Variants in CERS4 observed in about 807,000 individuals in gnomAD.
CERS4 encodes LAG1 homolog, ceramide synthase 4.
Under a neutral mutation model 51.8 loss-of-function variants are expected in CERS4, and 65 were observed. The ratio of observed to expected loss-of-function variants is 1.26; its 90% CI spans 1.03 to 1.54. CERS4 has a LOEUF of 1.54. Ranked by LOEUF, CERS4 falls within the 40% of genes most tolerant of loss-of-function variation. CERS4 has a pLI of 0.00. For synonymous variants in CERS4, 228 were observed against 208.4 expected, an observed-to-expected ratio of 1.09 and a Z score of -0.81; for missense variants, 563 against 500.4, an observed-to-expected ratio of 1.13 and a Z score of -1.19.
intron 10 of CERS4, among the ~76,000 whole-genome samples, chr19:8,258,777 G>A (rs1969525991): frequency 1.3e-5 from 2 of 152,008 alleles, no homozygotes; most frequent in South Asian, 4.1e-4. Context: ...AGAAGGCAGA[G>A]GCTACAGCGA....
intron 2 of CERS4, among the ~76,000 whole-genome samples, chr19:8,221,016 G>A (rs1263941802): frequency 2.0e-5 from 3 of 151,666 alleles, no homozygotes; most frequent in African/African-American, 4.8e-5. Flanking sequence ...TAGTAGAGAC[G>A]GGGTTTCACC....
At chr19:8,256,053 T>C (rs1969363152) in intron 6 of CERS4, 174 bp downstream of exon 6, 6 of 935,180 alleles carry the variant, frequency 6.4e-6, no homozygotes, top group Non-Finnish European at 9.7e-6. Flanking sequence ...GGATTTACTA[T>C]GCACCAAAAG....
At chr19:8,242,548 A>T (rs1968582543) in intron 2 of CERS4, among the ~76,000 whole-genome samples, 2 of 152,158 alleles carry the variant, frequency 1.3e-5, no homozygotes, top group Non-Finnish European at 2.9e-5. Flanking sequence ...AGGGTGCTTT[A>T]ACAGGATCCA....
chr19:8,250,743 C>G (rs1969035201), intron 2 of CERS4: 1 of 953,732 alleles, frequency 1.0e-6, no homozygotes, highest in South Asian at 4.8e-5. Flanking sequence ...GCGTGAGCAA[C>G]TGCGCCCGGC....
intron 2 of CERS4, chr19:8,222,138 C>T (rs2145183160): frequency 6.6e-6 from 1 of 151,998 alleles, no homozygotes; most frequent in East Asian, 1.9e-4. Context: ...CCTCAGCCTC[C>T]CAAAGTGCTG....
At chr19:8,257,171 G>C in intron 9 of CERS4, 94 bp downstream of exon 9, 2 of 1,350,604 alleles carry the variant, frequency 1.5e-6, no homozygotes, top group Non-Finnish European at 2.0e-6. Context: ...AACCTTCCTG[G>C]GAGATGGAGC....
chr19:8,258,758 C>T (rs1969524844), intron 10 of CERS4, among the ~76,000 whole-genome samples: 1 of 152,100 alleles, frequency 6.6e-6, no homozygotes, highest in African/African-American at 2.4e-5. Flanking sequence ...AGGAGGATCA[C>T]TTAAACCCAG....
chr19:8,220,452 G>A (rs1161206936), intron 2 of CERS4, among the ~76,000 whole-genome samples: 1 of 152,088 alleles, frequency 6.6e-6, no homozygotes, highest in Non-Finnish European at 1.5e-5. Flanking sequence ...TTACAGGCAT[G>A]TGCCACCATG....
At chr19:8,237,299 C>T (rs1205378011) in intron 2 of CERS4, among the ~76,000 whole-genome samples, 1 of 152,084 alleles carries the variant, frequency 6.6e-6, no homozygotes, top group Admixed American at 6.6e-5. Flanking sequence ...TGCCTGTACT[C>T]TCAGCACTTT....
At chr19:8,258,102 C>G (rs1056982273) in intron 10 of CERS4, 117 bp downstream of exon 10, 2 of 805,146 alleles carry the variant, frequency 2.5e-6, no homozygotes, top group Non-Finnish European at 4.2e-6. Flanking sequence ...GGGAGAGTTC[C>G]AGGAGGAGGC....
Position 8,255,703 on chromosome 19 carries a change from A to C in CERS4, c.388A>C (p.Thr130Pro). 3 of 1,611,582 alleles carry C rather than the reference A, an allele frequency of 1.9e-6. No homozygotes were observed. Among genetic ancestry groups the C allele is most frequent in the Non-Finnish European group, 1.7e-6 (2 of 1,179,154 alleles). Residue 130 changes from threonine to proline, a missense_variant, in exon 5 of 12, where the codon ACC becomes CCC. Transcript: ENST00000251363. ...RRRNQDRPQLTKKFCEASWRF... is the reference protein window; with the variant it reads ...RRRNQDRPQLPKKFCEASWRF... ...CCGGAACCAGGATCGACCCCAGCTGACCAAGAAGTTCTGTGAGGCCAGGTA... is the reference window on the plus strand; with the variant it reads ...CCGGAACCAGGATCGACCCCAGCTGCCCAAGAAGTTCTGTGAGGCCAGGTA...
At chr19:8,213,838 C>T (rs1323837857) in intron 2 of CERS4, among the ~76,000 whole-genome samples, 1 of 152,104 alleles carries the variant, frequency 6.6e-6, no homozygotes, top group African/African-American at 2.4e-5. Context: ...TGGTGGCATG[C>T]TCCTGTAATC....
chr19:8,226,130 G>C (rs796683676), intron 2 of CERS4, among the ~76,000 whole-genome samples: 3 of 152,156 alleles, frequency 2.0e-5, no homozygotes, highest in African/African-American at 7.2e-5. Flanking sequence ...CCGGGAGGCA[G>C]AGGTTGCAGT....
intron 2 of CERS4, among the ~76,000 whole-genome samples, chr19:8,228,417 A>G (rs1329492981): frequency 2.6e-5 from 4 of 152,066 alleles, no homozygotes; most frequent in Admixed American, 2.6e-4. Flanking sequence ...GCTCACACCT[A>G]TAATCCCAGC....
rs746017170 is a variant in CERS4, at chr19:8,245,902, C to CAAAAAA, written c.-1-5154_-1-5149dup. ...AACTGACAAAACTAAGCTTTGATGA[C>CAAAAAA]AAAAAAAAAAAAAAAAAAAAAAAAA... On this transcript the variant is annotated intron_variant, in intron 2 of 11. Coordinates refer to ENST00000251363, the MANE Select transcript of CERS4 (RefSeq NM_024552.3). Among the ~76,000 whole-genome samples the CAAAAAA allele has an allele frequency of 4.7e-4, 36 of 76,936 alleles. 2 individuals are homozygous for CAAAAAA. Among genetic ancestry groups the CAAAAAA allele is most frequent in the Non-Finnish European group, 5.7e-4 (25 of 44,106 alleles). 50.5% of individuals were successfully genotyped at this position (76,936 alleles called of 152,430 possible).
intron 2 of CERS4, among the ~76,000 whole-genome samples, chr19:8,229,100 C>T (rs1045272757): frequency 1.4e-4 from 21 of 151,340 alleles, no homozygotes; most frequent in Admixed American, 1.1e-3. Context: ...CTGAGGCAGG[C>T]GGATCCCCTG....
intron 2 of CERS4, among the ~76,000 whole-genome samples, chr19:8,230,997 G>A (rs1340527571): frequency 5.3e-5 from 8 of 152,040 alleles, no homozygotes; most frequent in African/African-American, 9.6e-5. Context: ...ATGCCACCAC[G>A]CTCAGCTAAT....
chr19:8,237,806 G>A (rs1045595827), intron 2 of CERS4, among the ~76,000 whole-genome samples: 8 of 151,482 alleles, frequency 5.3e-5, no homozygotes, highest in Non-Finnish European at 1.0e-4. Context: ...AGCCGAGATT[G>A]CGCCACTGCA....
intron 2 of CERS4, among the ~76,000 whole-genome samples, chr19:8,237,829 C>A (rs143817365): frequency 3.9e-5 from 6 of 152,056 alleles, no homozygotes; most frequent in African/African-American, 1.5e-4. Flanking sequence ...CCAGCCTGGG[C>A]GACAGAGCGA....
Sources: gnomAD v4.1 joint callset for allele counts (sites outside exome capture counted in the v4.1 genomes callset) on GRCh38, gnomAD v4.1.1 for gene constraint, MANE v1.5 for transcripts, NCBI Gene and HGNC (gene_info 2026-07-23, HGNC 2026-07-21) for gene names.